The following PDE10A variants were observed in gnomAD, a reference collection of about 807,000 sequenced individuals.
PDE10A encodes phosphodiesterase 10A.
PDE10A carries 39 observed loss-of-function variants against 97.7 expected under a neutral mutation model. The ratio of observed to expected loss-of-function variants is 0.40; its 90% CI spans 0.31 to 0.52. The LOEUF is 0.52. Among genes scored for constraint, PDE10A ranks in the 20% least tolerant of loss-of-function variants. The probability of loss-of-function intolerance (pLI) is 0.56; values close to 1 mark genes in which losing one functional copy is unlikely to be tolerated. For synonymous variants in PDE10A, 371 were observed against 376.8 expected, an observed-to-expected ratio of 0.98 and a Z score of 0.18; for missense variants, 731 against 1,047.8, an observed-to-expected ratio of 0.70 and a Z score of 4.17.
intron 1 of PDE10A, among the ~76,000 whole-genome samples, chr6:165,565,106 G>A (rs578260379): frequency 6.6e-6 from 1 of 152,250 alleles, no homozygotes; most frequent in East Asian, 1.9e-4. Flanking sequence ...CTTAGCTAAT[G>A]CAATAAGACA....
intron 1 of PDE10A, among the ~76,000 whole-genome samples, chr6:165,716,001 C>G (rs1243698420): frequency 1.3e-5 from 2 of 152,170 alleles, no homozygotes; most frequent in Non-Finnish European, 2.9e-5. Context: ...CCCTCCGGCT[C>G]CTGCACTAAA....
chr6:165,344,713 GTTCT>G (rs1782195199), intron 18 of PDE10A, among the ~76,000 whole-genome samples: 1 of 152,300 alleles, frequency 6.6e-6, no homozygotes, highest in South Asian at 2.1e-4. Flanking sequence ...CGATCACAGA[GTTCT>G]TTATTTCCTG....
chr6:165,729,571 G>A (rs867248608), intron 1 of PDE10A, among the ~76,000 whole-genome samples: 18 of 152,138 alleles, frequency 1.2e-4, no homozygotes, highest in Middle Eastern at 3.2e-3. Flanking sequence ...CCAACCACAG[G>A]GATCCACAGT....
chr6:165,634,448 G>T (rs1450879486), intron 1 of PDE10A, among the ~76,000 whole-genome samples: 1 of 152,094 alleles, frequency 6.6e-6, no homozygotes, highest in East Asian at 1.9e-4. Context: ...AACACACTCA[G>T]GATTGTATTC....
At chr6:165,424,763 T>G (rs1788994912) in intron 10 of PDE10A, among the ~76,000 whole-genome samples, 1 of 152,152 alleles carries the variant, frequency 6.6e-6, no homozygotes, top group Non-Finnish European at 1.5e-5. Context: ...TAAATAGCCT[T>G]TATACCAGGA....
At chr6:165,545,628 T>C (rs550562019) in intron 1 of PDE10A, among the ~76,000 whole-genome samples, 8 of 152,058 alleles carry the variant, frequency 5.3e-5, no homozygotes, top group African/African-American at 1.9e-4. Context: ...GCCACTTCAG[T>C]AAAGAAGATA....
intron 3 of PDE10A, among the ~76,000 whole-genome samples, chr6:165,469,484 C>T (rs369948186): frequency 7.2e-5 from 11 of 152,156 alleles, no homozygotes; most frequent in Admixed American, 3.3e-4. Context: ...ACAACCAATC[C>T]GTAATTTATG....
intron 18 of PDE10A, among the ~76,000 whole-genome samples, chr6:165,355,790 C>T (rs1311564241): frequency 1.3e-5 from 2 of 152,060 alleles, no homozygotes; most frequent in Non-Finnish European, 2.9e-5. Flanking sequence ...AAAAACAAAA[C>T]AACTAAGGTG....
chr6:165,355,898 G>A (rs1031526453), intron 18 of PDE10A, among the ~76,000 whole-genome samples: 7 of 152,052 alleles, frequency 4.6e-5, no homozygotes, highest in African/African-American at 1.2e-4. Context: ...TTTTCACACC[G>A]CTATAAAGAA....
chr6:165,511,765 C>T lies in PDE10A; in HGVS notation c.995-29422G>A, dbSNP rs562075721. On this transcript the variant is annotated intron_variant, in intron 2 of 21. Coordinates refer to ENST00000539869, the MANE Select transcript of PDE10A (RefSeq NM_001385079.1). ...AAGAATTGATCTCTTTATCATTCTA[C>T]ATGATCTCATTTGTATTTCTTTATG... Among the ~76,000 whole-genome samples, 217 of 152,076 alleles carry T rather than the reference C, an allele frequency of 1.4e-3. 1 individual carries two copies. The highest frequency in any genetic ancestry group is 4.9e-3 in the African/African-American group (205 of 41,534).
intron 1 of PDE10A, among the ~76,000 whole-genome samples, chr6:165,958,753 G>GAAAGAAAGAA (rs1784266254): frequency 6.7e-6 from 1 of 149,474 alleles, no homozygotes; most frequent in Non-Finnish European, 1.5e-5. Flanking sequence ...GAAAGAGAAA[G>GAAAGAAAGAA]AAAGAAAGAA....
At chr6:165,806,346 A>C (rs1299713820) in intron 1 of PDE10A, among the ~76,000 whole-genome samples, 2 of 152,120 alleles carry the variant, frequency 1.3e-5, no homozygotes, top group Non-Finnish European at 1.5e-5. Context: ...GTTCTCCATC[A>C]TGTAGGGCTG....
At chr6:165,408,217 A>C (rs756861913) in intron 13 of PDE10A, among the ~76,000 whole-genome samples, 1 of 152,266 alleles carries the variant, frequency 6.6e-6, no homozygotes, top group Non-Finnish European at 1.5e-5. Context: ...AATAACGGTC[A>C]ACAATTAAAA....
intron 1 of PDE10A, among the ~76,000 whole-genome samples, chr6:165,808,533 A>G (rs1779198398): frequency 6.6e-6 from 1 of 152,194 alleles, no homozygotes; most frequent in Non-Finnish European, 1.5e-5. Context: ...GCAGAAAGTT[A>G]GATGAGATGA....
At chr6:165,527,128 A>G (rs765115160) in intron 2 of PDE10A, among the ~76,000 whole-genome samples, 6 of 152,222 alleles carry the variant, frequency 3.9e-5, no homozygotes, top group Non-Finnish European at 7.3e-5. Flanking sequence ...TCTGGGGCCT[A>G]TCAAGATATT....
In PDE10A at chr6:165,908,267, C is replaced by A. The variant is rs568051323; in HGVS notation, c.-615+79262G>T. ...GGCTGCCATGCAGGACTTCACACAC[C>A]TGGGAAGGCTGGGTCTTGTGTTTTG... is the stretch of plus-strand genomic sequence containing the variant. On this transcript the variant is annotated intron_variant, in intron 1 of 19. Transcript: ENST00000366882. Among the ~76,000 whole-genome samples, 6 of 152,272 alleles carry A rather than the reference C, an allele frequency of 3.9e-5. No individual in the cohort carries two copies. In the South Asian group the frequency reaches 1.2e-3, roughly 32 times the overall value.
intron 1 of PDE10A, among the ~76,000 whole-genome samples, chr6:165,884,019 G>A (rs1781562705): frequency 6.6e-6 from 1 of 152,136 alleles, no homozygotes; most frequent in Non-Finnish European, 1.5e-5. Flanking sequence ...CGTGCCTGAA[G>A]CCATCCTCCT....
At chr6:165,937,154 G>A (rs932670340) in intron 1 of PDE10A, among the ~76,000 whole-genome samples, 2 of 152,166 alleles carry the variant, frequency 1.3e-5, no homozygotes, top group African/African-American at 4.8e-5. Context: ...TTGAGGGCTG[G>A]AGGAAAGCCA....
intron 1 of PDE10A, among the ~76,000 whole-genome samples, chr6:165,675,962 A>G (rs2128438001): frequency 6.6e-6 from 1 of 152,334 alleles, no homozygotes; most frequent in South Asian, 2.1e-4. Context: ...ACTATTCACA[A>G]TAGCAAAGAT....
Sources: gnomAD v4.1 joint callset for allele counts (sites outside exome capture counted in the v4.1 genomes callset) on GRCh38, gnomAD v4.1.1 for gene constraint, MANE v1.5 for transcripts, NCBI Gene and HGNC (gene_info 2026-07-23, HGNC 2026-07-21) for gene names.